PCNX2: variants seen among roughly 807,000 people sequenced by gnomAD.
The protein encoded by PCNX2 is pecanex-like protein 2.
PCNX2 carries 168 observed loss-of-function variants against 223.8 expected under a neutral mutation model. The ratio of observed to expected loss-of-function variants is 0.75; its 90% CI spans 0.66 to 0.85. The LOEUF (loss-of-function observed/expected upper bound fraction) is 0.85, where lower values mean the gene tolerates loss of function less well. PCNX2 is among the 40% of genes least tolerant of loss of function. The pLI is 0.00. For synonymous variants in PCNX2, 1,006 were observed against 1,052.6 expected, an observed-to-expected ratio of 0.96 and a Z score of 0.86; for missense variants, 2,507 against 2,675.5, an observed-to-expected ratio of 0.94 and a Z score of 1.39.
At chr1:233,016,730 T>C (rs1670677598) in intron 27 of PCNX2, 191 bp downstream of exon 27, 2 of 962,812 alleles carry the variant, frequency 2.1e-6, no homozygotes, top group African/African-American at 1.8e-5. Flanking sequence ...GTGTCCTTCA[T>C]TGGAGACATG....
chr1:233,292,185 ACTTT>A lies in PCNX2; in HGVS notation c.153+3137_153+3140del, dbSNP rs200378417. Reference sequence around the variant, plus strand: ...AAAAGTGGATCCTTTCAATAGTGAAACTTTCTTTCTTTCTTTCTTTTTTTTTTTT... The same window carrying A: ...AAAAGTGGATCCTTTCAATAGTGAAACTTTCTTTCTTTCTTTTTTTTTTTT... On this transcript the variant is annotated intron_variant, in intron 1 of 33. Transcript: ENST00000258229. Among the ~76,000 whole-genome samples, 263 of 146,902 alleles carry A rather than the reference ACTTT, an allele frequency of 1.8e-3. 1 individual carries two copies. Among genetic ancestry groups the A allele is most frequent in the Middle Eastern group, 7.1e-3 (2 of 280 alleles).
At chr1:232,992,150 C>T (rs1472844512) in intron 32 of PCNX2, among the ~76,000 whole-genome samples, 1 of 152,212 alleles carries the variant, frequency 6.6e-6, no homozygotes, top group Admixed American at 6.5e-5. Context: ...TGTCTTCTTC[C>T]AGCTCTCTGA....
intron 20 of PCNX2, among the ~76,000 whole-genome samples, chr1:233,135,559 G>A (rs1309792718): frequency 6.6e-6 from 1 of 152,160 alleles, no homozygotes; most frequent in African/African-American, 2.4e-5. Context: ...ATTCACTACT[G>A]CAGTGATGAT....
intron 28 of PCNX2, 54 bp downstream of exon 28, chr1:233,014,611 C>T (rs1233307501): frequency 2.9e-6 from 4 of 1,362,652 alleles, no homozygotes; most frequent in Non-Finnish European, 3.1e-6. Context: ...ATCTGTCAAA[C>T]ATGTGAAAGT....
chr1:233,031,680 G>A, intron 25 of PCNX2: 4 of 925,208 alleles, frequency 4.3e-6, no homozygotes, highest in Non-Finnish European at 5.2e-6. Flanking sequence ...AGCCCAGCCG[G>A]CTGCATTCAT....
At chr1:233,033,457 C>T (rs1469846575) in intron 25 of PCNX2, among the ~76,000 whole-genome samples, 1 of 152,198 alleles carries the variant, frequency 6.6e-6, no homozygotes, top group African/African-American at 2.4e-5. Context: ...AGAAAGAAAA[C>T]ATAAATGGTT....
At chr1:233,199,150 A>G (rs1680910908) in intron 14 of PCNX2, 120 bp from the exon 15 acceptor site, 2 of 870,982 alleles carry the variant, frequency 2.3e-6, no homozygotes, top group Non-Finnish European at 3.5e-6. Flanking sequence ...GGGGTAAATA[A>G]TACATCTATG....
chr1:233,197,569 C>A (rs1000952080), intron 15 of PCNX2, among the ~76,000 whole-genome samples: 2 of 152,194 alleles, frequency 1.3e-5, no homozygotes, highest in African/African-American at 4.8e-5. Flanking sequence ...CGGGCCACTA[C>A]AAGCACATAA....
chr1:233,094,108 T>G (rs1674025321), intron 22 of PCNX2, among the ~76,000 whole-genome samples: 1 of 152,190 alleles, frequency 6.6e-6, no homozygotes, highest in Non-Finnish European at 1.5e-5. Flanking sequence ...TGAATTCACC[T>G]AACAAGGCAT....
intron 25 of PCNX2, chr1:233,033,297 A>G: frequency 1.4e-6 from 1 of 716,896 alleles, no homozygotes. Context: ...ATAGTATGAA[A>G]GCAAATGAAG....
intron 10 of PCNX2, among the ~76,000 whole-genome samples, chr1:233,218,995 C>T (rs867441088): frequency 2.0e-5 from 3 of 152,086 alleles, no homozygotes; most frequent in Non-Finnish European, 2.9e-5. Flanking sequence ...GGGTGAGCTG[C>T]AACTTCCTGA....
In PCNX2 at chr1:233,223,120, T is replaced by A. The variant is rs1046527733; in HGVS notation, c.2504+4106A>T. Among the ~76,000 whole-genome samples the A allele has an allele frequency of 2.6e-5, 4 of 152,168 alleles. No individual in the cohort carries two copies. The South Asian group carries it at 8.3e-4, about 32-fold the overall frequency. ...AACCTGTAAATCTTCCCTTCCTATG[T>A]AGCAGTGACCAACAAGGCAGAAGGA... On this transcript the variant is annotated intron_variant, in intron 10 of 33. Transcript: ENST00000258229.
At chr1:233,325,294 G>A in the PCNX2 span, among the ~76,000 whole-genome samples, 2 of 152,100 alleles carry the variant, frequency 1.3e-5, no homozygotes, top group Non-Finnish European at 2.9e-5. Context: ...GTGAATGACT[G>A]AGAAGTTCAC....
At chr1:233,246,008 C>T (rs567149070) in intron 8 of PCNX2, among the ~76,000 whole-genome samples, 45 of 152,276 alleles carry the variant, frequency 3.0e-4, no homozygotes, top group Admixed American at 5.9e-4. Context: ...TTTCTAGCTC[C>T]CTGTGGAAAA....
At chr1:232,994,683 T>A (rs1315093652) in intron 32 of PCNX2, among the ~76,000 whole-genome samples, 1 of 152,064 alleles carries the variant, frequency 6.6e-6, no homozygotes, top group Non-Finnish European at 1.5e-5. Context: ...AAAATCCCCA[T>A]GTGTTGAGGG....
intron 15 of PCNX2, among the ~76,000 whole-genome samples, chr1:233,187,600 T>G (rs1357433947): frequency 6.6e-6 from 1 of 152,156 alleles, no homozygotes; most frequent in Admixed American, 6.5e-5. Flanking sequence ...TTTGAACAAC[T>G]TCTGAGCTAT....
intron 15 of PCNX2, among the ~76,000 whole-genome samples, chr1:233,196,924 T>C (rs935675395): frequency 6.6e-6 from 1 of 152,166 alleles, no homozygotes; most frequent in East Asian, 1.9e-4. Flanking sequence ...AACATACTTC[T>C]GGATGGGGGA....
intron 23 of PCNX2, among the ~76,000 whole-genome samples, chr1:233,068,357 C>T (rs1246163616): frequency 6.6e-6 from 1 of 151,560 alleles, no homozygotes; most frequent in African/African-American, 2.4e-5. Flanking sequence ...TAAATAATGT[C>T]CTCTAAGAAA....
chr1:233,110,600 G>T, intron 21 of PCNX2, among the ~76,000 whole-genome samples: 1 of 152,138 alleles, frequency 6.6e-6, no homozygotes, highest in South Asian at 2.1e-4. Flanking sequence ...CATTGGGAAT[G>T]AAATAAATAA....
Sources: allele counts gnomAD v4.1 joint callset (sites outside exome capture counted in the v4.1 genomes callset), GRCh38; gene constraint gnomAD v4.1.1; transcripts MANE v1.5; gene names NCBI Gene and HGNC (gene_info 2026-07-23, HGNC 2026-07-21).